The following ACOXL variants were observed in gnomAD, a reference collection of about 807,000 sequenced individuals.
ACOXL encodes the protein acyl-coenzyme A oxidase-like protein.
In ACOXL, 70 loss-of-function variants were observed where a neutral mutation model predicts 71.9. The observed-to-expected ratio is 0.97, with a 90% CI of 0.80 to 1.19. The LOEUF (loss-of-function observed/expected upper bound fraction) is 1.19. Among genes scored for constraint, ACOXL ranks in the 50% most tolerant of loss-of-function variants. The pLI, the probability that ACOXL is intolerant of heterozygous loss-of-function variation, is 0.00. For missense variants in ACOXL, 703 were observed against 736.3 expected (o/e 0.95, Z 0.52); for synonymous variants, 253 against 281.6 (o/e 0.90, Z 1.02).
chr2:110,938,260 C>A (rs928988300), intron 12 of ACOXL, among the ~76,000 whole-genome samples: 1 of 152,148 alleles, frequency 6.6e-6, no homozygotes, highest in Non-Finnish European at 1.5e-5. Context: ...CCATGACAGG[C>A]ATGGGCTGGG....
At chr2:110,889,108 A>C (rs943581275) in intron 10 of ACOXL, among the ~76,000 whole-genome samples, 1 of 152,222 alleles carries the variant, frequency 6.6e-6, no homozygotes, top group African/African-American at 2.4e-5. Flanking sequence ...CTTTATCATC[A>C]AAATGAACAT....
chr2:110,932,540 G>A (rs1175978996), intron 11 of ACOXL, among the ~76,000 whole-genome samples: 1 of 152,090 alleles, frequency 6.6e-6, no homozygotes, highest in African/African-American at 2.4e-5. Context: ...AATCTCAACA[G>A]TAGCAAAGTG....
At chr2:110,913,291 A>G (rs2059712385) in intron 11 of ACOXL, among the ~76,000 whole-genome samples, 1 of 152,182 alleles carries the variant, frequency 6.6e-6, no homozygotes, top group Non-Finnish European at 1.5e-5. Flanking sequence ...ATGCACACAA[A>G]AATGTGCACA....
chr2:110,774,093 T>A (rs1682332006), intron 2 of ACOXL, among the ~76,000 whole-genome samples: 1 of 152,236 alleles, frequency 6.6e-6, no homozygotes, highest in Non-Finnish European at 1.5e-5. Flanking sequence ...AGTGAAATAC[T>A]ATGTAAAAAA....
At chr2:110,832,916 A>C (rs1399651664) in intron 9 of ACOXL, among the ~76,000 whole-genome samples, 1 of 152,226 alleles carries the variant, frequency 6.6e-6, no homozygotes, top group African/African-American at 2.4e-5. Flanking sequence ...AGATTTATAA[A>C]GTGATAGCGC....
At chr2:110,853,777 T>C (rs985832403) in intron 10 of ACOXL, among the ~76,000 whole-genome samples, 1 of 152,190 alleles carries the variant, frequency 6.6e-6, no homozygotes, top group Admixed American at 6.5e-5. Flanking sequence ...CCCTGCCTTG[T>C]TGATAATCTA....
At chr2:110,846,019 A>G (rs564665015) in intron 10 of ACOXL, among the ~76,000 whole-genome samples, 3 of 152,212 alleles carry the variant, frequency 2.0e-5, no homozygotes, top group Non-Finnish European at 2.9e-5. Flanking sequence ...CTGTTTTCCT[A>G]TCGATTACCA....
intron 1 of ACOXL, among the ~76,000 whole-genome samples, chr2:110,745,653 T>C (rs1178701985): frequency 6.6e-6 from 1 of 152,256 alleles, no homozygotes; most frequent in African/African-American, 2.4e-5. Flanking sequence ...TCTGTGACTT[T>C]GATCTGAAGA....
chr2:110,897,359 A>G (rs1461960159), intron 10 of ACOXL, among the ~76,000 whole-genome samples: 1 of 152,194 alleles, frequency 6.6e-6, no homozygotes, highest in Non-Finnish European at 1.5e-5. Context: ...CTGTTATAAC[A>G]ATACCACAGA....
At chr2:110,885,477 T>G (rs1404500342) in intron 10 of ACOXL, among the ~76,000 whole-genome samples, 4 of 152,182 alleles carry the variant, frequency 2.6e-5, no homozygotes, top group Non-Finnish European at 5.9e-5. Context: ...GTCAGCATTA[T>G]TATTATTATT....
intron 9 of ACOXL, among the ~76,000 whole-genome samples, chr2:110,828,967 A>G (rs1272098339): frequency 1.3e-5 from 2 of 152,124 alleles, no homozygotes; most frequent in East Asian, 1.9e-4. Flanking sequence ...ATGCACCACC[A>G]CGTCCAGCTA....
intron 9 of ACOXL, among the ~76,000 whole-genome samples, chr2:110,834,843 C>T (rs1013482986): frequency 6.6e-6 from 1 of 152,212 alleles, no homozygotes; most frequent in African/African-American, 2.4e-5. Context: ...GAGATGGCAA[C>T]TCAGGACTCA....
At chr2:110,939,993 C>A (rs927051688) in intron 12 of ACOXL, among the ~76,000 whole-genome samples, 1 of 152,264 alleles carries the variant, frequency 6.6e-6, no homozygotes, top group East Asian at 1.9e-4. Context: ...AGTTTCTAGA[C>A]CAGTGGTTTT....
chr2:110,843,068 G>T (rs115674158), intron 10 of ACOXL, among the ~76,000 whole-genome samples: 4 of 152,326 alleles, frequency 2.6e-5, no homozygotes, highest in Non-Finnish European at 5.9e-5. Flanking sequence ...GTGTGGTATG[G>T]TGGGGTGCGG....
intron 9 of ACOXL, among the ~76,000 whole-genome samples, chr2:110,806,724 C>T (rs17041554): frequency 0.035 from 5,356 of 152,168 alleles, 116 homozygotes; most frequent in South Asian, 0.051. Context: ...GAGTGCTGGG[C>T]GCATATAAAA....
chr2:110,841,790 C>G (rs552775660), intron 10 of ACOXL, among the ~76,000 whole-genome samples: 2 of 152,170 alleles, frequency 1.3e-5, no homozygotes. Context: ...CCCTTGCCAC[C>G]TTCCATGCCA....
intron 9 of ACOXL, among the ~76,000 whole-genome samples, chr2:110,827,314 G>A (rs1278689144): frequency 6.6e-6 from 1 of 152,180 alleles, no homozygotes; most frequent in Non-Finnish European, 1.5e-5. Context: ...GGGTCATGAT[G>A]ACGTCTAGGG....
chr2:110,844,558 T>A (rs1691564842), intron 10 of ACOXL, among the ~76,000 whole-genome samples: 1 of 150,508 alleles, frequency 6.6e-6, no homozygotes, highest in African/African-American at 2.4e-5. Context: ...TTCTTTTTTT[T>A]TTTTTTTGAG....
At chr2:111,090,090 G>C (rs2068438275) in intron 16 of ACOXL, among the ~76,000 whole-genome samples, 1 of 152,182 alleles carries the variant, frequency 6.6e-6, no homozygotes, top group South Asian at 2.1e-4. Context: ...ATAGACTGCT[G>C]CTTGGTTCCT....
Sources: gnomAD v4.1 joint callset for allele counts (sites outside exome capture counted in the v4.1 genomes callset) on GRCh38, gnomAD v4.1.1 for gene constraint, MANE v1.5 for transcripts, NCBI Gene and HGNC (gene_info 2026-07-23, HGNC 2026-07-21) for gene names.